The following DYM variants were observed in gnomAD, a reference collection of about 807,000 sequenced individuals.
The protein encoded by DYM is dyggve-Melchior-Clausen syndrome protein.
In DYM, 78 loss-of-function variants were observed where a neutral mutation model predicts 93.1. The observed-to-expected ratio is 0.84, with a 90% CI of 0.70 to 1.01. DYM has a LOEUF of 1.01. Ranked by LOEUF, DYM falls within the 50% of genes least tolerant of loss-of-function variation. DYM has a pLI of 0.00. For synonymous variants in DYM, 321 were observed against 319.7 expected (o/e 1.00, Z -0.04); for missense variants, 789 against 845.0 (o/e 0.93, Z 0.82).
At chr18:49,347,542 A>G (rs1361833429) in intron 6 of DYM, among the ~76,000 whole-genome samples, 2 of 152,210 alleles carry the variant, frequency 1.3e-5, no homozygotes, top group East Asian at 3.8e-4. Flanking sequence ...CTAAGCATCT[A>G]TTAACTCGCT....
intron 8 of DYM, among the ~76,000 whole-genome samples, chr18:49,322,842 A>G (rs1241103704): frequency 6.6e-6 from 1 of 152,148 alleles, no homozygotes; most frequent in African/African-American, 2.4e-5. Flanking sequence ...TTTTTCCTAC[A>G]CATTTGCTCA....
intron 12 of DYM, among the ~76,000 whole-genome samples, chr18:49,257,589 A>G (rs1358727844): frequency 6.6e-6 from 1 of 152,188 alleles, no homozygotes; most frequent in African/African-American, 2.4e-5. Context: ...TAATCCCAAC[A>G]CTTTGGGAGG....
intron 1 of DYM, among the ~76,000 whole-genome samples, chr18:49,455,645 G>C (rs897119009): frequency 1.2e-4 from 18 of 152,274 alleles, no homozygotes; most frequent in African/African-American, 3.4e-4. Context: ...TCTGGGTTCA[G>C]AGAAATTAAT....
chr18:49,389,357 T>C (rs2147858260), intron 3 of DYM, among the ~76,000 whole-genome samples: 1 of 152,306 alleles, frequency 6.6e-6, no homozygotes, highest in East Asian at 1.9e-4. Context: ...TATAAATTTA[T>C]ATCTATTGAA....
intron 1 of DYM, among the ~76,000 whole-genome samples, chr18:49,450,375 G>A (rs1474251999): frequency 6.6e-6 from 1 of 152,150 alleles, no homozygotes; most frequent in Non-Finnish European, 1.5e-5. Flanking sequence ...ACTAATACAA[G>A]GGTAAAATTT....
intron 3 of DYM, among the ~76,000 whole-genome samples, chr18:49,387,891 T>C (rs544898455): frequency 6.6e-6 from 1 of 151,988 alleles, no homozygotes; most frequent in Non-Finnish European, 1.5e-5. Flanking sequence ...CATACTAAAA[T>C]AAGATAATAA....
At chr18:49,173,994 C>T (rs2089075878) in intron 14 of DYM, among the ~76,000 whole-genome samples, 1 of 152,054 alleles carries the variant, frequency 6.6e-6, no homozygotes, top group Non-Finnish European at 1.5e-5. Context: ...TTCATTGATG[C>T]TCTTTGTCAG....
chr18:49,292,510 T>C (rs1429630383), intron 8 of DYM, among the ~76,000 whole-genome samples: 1 of 150,116 alleles, frequency 6.7e-6, no homozygotes, highest in Non-Finnish European at 1.5e-5. Context: ...ACAAAGATTC[T>C]TCCAAAAGTT....
chr18:49,221,778 G>A (rs961160638), intron 13 of DYM, among the ~76,000 whole-genome samples: 1 of 151,956 alleles, frequency 6.6e-6, no homozygotes, highest in Non-Finnish European at 1.5e-5. Context: ...AGGAGGGAGG[G>A]ATAGCATTAG....
intron 1 of DYM, among the ~76,000 whole-genome samples, chr18:49,440,541 T>C (rs1281556960): frequency 1.6e-3 from 9 of 5,574 alleles, no homozygotes; most frequent in African/African-American, 8.0e-3. Context: ...GACTATATAT[T>C]ATATATTTAT....
At chr18:49,385,994 T>C (rs1326118470) in intron 3 of DYM, among the ~76,000 whole-genome samples, 1 of 152,190 alleles carries the variant, frequency 6.6e-6, no homozygotes, top group East Asian at 1.9e-4. Context: ...TCTTATTTTG[T>C]AGAGACAGGG....
intron 3 of DYM, among the ~76,000 whole-genome samples, chr18:49,388,814 C>A (rs1161540877): frequency 6.6e-6 from 1 of 151,406 alleles, no homozygotes; most frequent in African/African-American, 2.4e-5. Flanking sequence ...CGAAATGACA[C>A]CTTTAAAGTA....
Position 49,365,495 on chromosome 18 carries a change from C to G in DYM, c.422-2262G>C, listed in dbSNP as rs887111582. Among the ~76,000 whole-genome samples the G allele has an allele frequency of 2.0e-5, 3 of 152,186 alleles. No homozygotes were observed. The South Asian group carries it at 6.2e-4, about 32-fold the overall frequency. On this transcript the variant is annotated intron_variant, in intron 5 of 17. Coordinates refer to ENST00000675505, the MANE Select transcript of DYM (RefSeq NM_001353214.3). ...GTTACCAGATCTAACTAAAATCCCT[C>G]TCATTGCCAAGGCTGTCCAACATAA...
intron 16 of DYM, among the ~76,000 whole-genome samples, chr18:49,102,118 T>C (rs2080215704): frequency 6.6e-6 from 1 of 152,202 alleles, no homozygotes; most frequent in African/African-American, 2.4e-5. Flanking sequence ...TAGGAACCAA[T>C]AATGATAATG....
intron 3 of DYM, among the ~76,000 whole-genome samples, chr18:49,384,724 A>G (rs1043831010): frequency 2.6e-5 from 4 of 151,796 alleles, no homozygotes; most frequent in African/African-American, 7.2e-5. Flanking sequence ...CAGCTAAAAC[A>G]TACACTACAA....
intron 1 of DYM, among the ~76,000 whole-genome samples, chr18:49,459,196 T>C (rs566483073): frequency 6.6e-6 from 1 of 152,340 alleles, no homozygotes; most frequent in African/African-American, 2.4e-5. Context: ...TTGCGACTGA[T>C]AGTTTCATCA....
chr18:49,329,900 A>G (rs1599469703), intron 8 of DYM, among the ~76,000 whole-genome samples: 1 of 152,236 alleles, frequency 6.6e-6, no homozygotes, highest in African/African-American at 2.4e-5. Flanking sequence ...TCTCAAGCCA[A>G]TAGTAAAGTA....
rs562979957 is a variant in DYM at position 49,216,523 on chromosome 18, T to C, written c.1461-6808A>G. On this transcript the variant is annotated intron_variant, in intron 13 of 17. Coordinates refer to ENST00000675505, the MANE Select transcript of DYM (RefSeq NM_001353214.3). ...ACCCCCCAGTAGGGGCAGACTGACA[T>C]CTCACACGGCCGGGTACTCCTTTCA... Among the ~76,000 whole-genome samples, 13 of 152,184 alleles carry C rather than the reference T, an allele frequency of 8.5e-5. No homozygotes were observed. The East Asian group carries it at 1.9e-3, about 23-fold the overall frequency.
intron 14 of DYM, among the ~76,000 whole-genome samples, chr18:49,179,301 C>T (rs2089690582): frequency 6.6e-6 from 1 of 152,114 alleles, no homozygotes; most frequent in Admixed American, 6.6e-5. Flanking sequence ...GTAATTACAA[C>T]TGATAAGGAG....
Sources: allele counts gnomAD v4.1 joint callset (sites outside exome capture counted in the v4.1 genomes callset), GRCh38; gene constraint gnomAD v4.1.1; transcripts MANE v1.5; gene names NCBI Gene and HGNC (gene_info 2026-07-23, HGNC 2026-07-21).